SIL1: variants seen among roughly 807,000 people sequenced by gnomAD.
The protein encoded by SIL1 is SIL1 nucleotide exchange factor.
SIL1 carries 40 observed loss-of-function variants against 49.1 expected under a neutral mutation model. The ratio of observed to expected loss-of-function variants is 0.81; its 90% CI spans 0.63 to 1.06. The LOEUF (loss-of-function observed/expected upper bound fraction) is 1.06. Among genes scored for constraint, SIL1 ranks in the 50% least tolerant of loss-of-function variants. The probability of loss-of-function intolerance (pLI) is 0.00; values close to 1 mark genes in which losing one functional copy is unlikely to be tolerated. For missense variants in SIL1, 500 were observed against 572.6 expected, an observed-to-expected ratio of 0.87 and a Z score of 1.29; for synonymous variants, 253 against 250.8, an observed-to-expected ratio of 1.01 and a Z score of -0.08.
At chr5:139,002,591 C>T (rs1223998388) in intron 7 of SIL1, among the ~76,000 whole-genome samples, 1 of 152,090 alleles carries the variant, frequency 6.6e-6, no homozygotes, top group East Asian at 1.9e-4. Context: ...AAGAGAAATA[C>T]AAATTTGGGG....
chr5:138,951,088 C>T (rs1766761349), intron 9 of SIL1, 83 bp downstream of exon 9: 5 of 1,468,806 alleles, frequency 3.4e-6, no homozygotes, highest in Non-Finnish European at 4.7e-6. Context: ...GTGACGTCCG[C>T]AGTCTCTTCC....
chr5:139,170,972 G>A (rs1188216229), intron 1 of SIL1, among the ~76,000 whole-genome samples: 1 of 146,412 alleles, frequency 6.8e-6, no homozygotes, highest in African/African-American at 2.5e-5. Context: ...CCCCCGCCCG[G>A]CCAGCCGCCC....
chr5:138,987,331 T>C (rs150001976), intron 7 of SIL1, among the ~76,000 whole-genome samples: 270 of 151,926 alleles, frequency 1.8e-3, no homozygotes, highest in South Asian at 7.5e-3. Context: ...CAGGCTGGTC[T>C]CAAACTCCTG....
At chr5:139,061,468 C>T (rs928503452) in intron 3 of SIL1, among the ~76,000 whole-genome samples, 4 of 152,242 alleles carry the variant, frequency 2.6e-5, no homozygotes, top group South Asian at 2.1e-4. Flanking sequence ...GAGGCTGCCC[C>T]GGCTGGCCAT....
chr5:139,183,533 G>C (rs997285353), intron 1 of SIL1, among the ~76,000 whole-genome samples: 1 of 152,192 alleles, frequency 6.6e-6, no homozygotes, highest in Non-Finnish European at 1.5e-5. Flanking sequence ...GCTCCTAATG[G>C]AGGTGAATAC....
chr5:139,018,678 G>C (rs552629280), intron 7 of SIL1, among the ~76,000 whole-genome samples: 4 of 150,590 alleles, frequency 2.7e-5, no homozygotes, highest in Non-Finnish European at 5.9e-5. Context: ...GGAAGATAAA[G>C]GTTTTTATTG....
chr5:139,151,879 A>G (rs1055146603), intron 1 of SIL1, among the ~76,000 whole-genome samples: 3 of 152,258 alleles, frequency 2.0e-5, no homozygotes, highest in Non-Finnish European at 1.5e-5. Context: ...TAGAATTTCT[A>G]TATTTTTCAA....
At chr5:139,019,368 GT>G (rs772334444) in intron 7 of SIL1, among the ~76,000 whole-genome samples, 42 of 152,166 alleles carry the variant, frequency 2.8e-4, no homozygotes, top group Non-Finnish European at 5.3e-4. Flanking sequence ...TTTCCATGGT[GT>G]TTGGGAGCCT....
intron 1 of SIL1, among the ~76,000 whole-genome samples, chr5:139,159,769 C>T (rs1751472704): frequency 6.6e-6 from 1 of 152,100 alleles, no homozygotes; most frequent in Non-Finnish European, 1.5e-5. Context: ...CCATCAGGTG[C>T]ACAGGTGAAG....
intron 3 of SIL1, among the ~76,000 whole-genome samples, chr5:139,054,650 A>G (rs1254707361): frequency 6.6e-6 from 1 of 152,206 alleles, no homozygotes. Flanking sequence ...AATGGAAAAG[A>G]AAAAAGCATG....
At chr5:138,988,124 C>A (rs188390991) in intron 7 of SIL1, among the ~76,000 whole-genome samples, 1 of 152,164 alleles carries the variant, frequency 6.6e-6, no homozygotes. Flanking sequence ...TGAGACACTG[C>A]GCCTGGCCAA....
chr5:138,992,632 C>T (rs1767781805), intron 7 of SIL1, among the ~76,000 whole-genome samples: 1 of 150,496 alleles, frequency 6.6e-6, no homozygotes, highest in South Asian at 2.1e-4. Context: ...TCTTTTCAAA[C>T]ATCAAAAAAA....
chr5:139,001,568 AG>A (rs991835264), intron 7 of SIL1, among the ~76,000 whole-genome samples: 1 of 152,194 alleles, frequency 6.6e-6, no homozygotes, highest in African/African-American at 2.4e-5. Flanking sequence ...TGTATGTGGT[AG>A]GGGGGATACA....
intron 5 of SIL1, among the ~76,000 whole-genome samples, chr5:139,039,540 TCA>T (rs1180728933): frequency 1.3e-5 from 2 of 152,180 alleles, no homozygotes; most frequent in East Asian, 3.9e-4. Flanking sequence ...TTGCCAACAC[TCA>T]GTCTAAAATA....
intron 1 of SIL1, chr5:139,155,455 G>C (rs1315619711): frequency 6.6e-6 from 1 of 151,378 alleles, no homozygotes; most frequent in African/African-American, 2.4e-5. Context: ...GAGTGAGAGA[G>C]AGAGAGAGAG....
intron 1 of SIL1, among the ~76,000 whole-genome samples, chr5:139,152,682 C>A (rs1037818646): frequency 6.6e-6 from 1 of 151,886 alleles, no homozygotes; most frequent in East Asian, 1.9e-4. Context: ...ATAGCCAGAC[C>A]ATGAATCTGA....
intron 1 of SIL1, among the ~76,000 whole-genome samples, chr5:139,194,719 G>A (rs1408023668): frequency 6.6e-6 from 1 of 152,154 alleles, no homozygotes; most frequent in Non-Finnish European, 1.5e-5. Context: ...TAAGGGACTA[G>A]CATTGTAAGA....
intron 1 of SIL1, among the ~76,000 whole-genome samples, chr5:139,186,394 T>C (rs765432214): frequency 1.3e-5 from 2 of 152,112 alleles, no homozygotes; most frequent in Non-Finnish European, 2.9e-5. Flanking sequence ...TTACAAGGAA[T>C]TTAAATGTGT....
At chr5:138,964,756 G>C (rs868277817) in intron 7 of SIL1, among the ~76,000 whole-genome samples, 7 of 152,220 alleles carry the variant, frequency 4.6e-5, no homozygotes, top group Non-Finnish European at 8.8e-5. Context: ...TTTAGTGCTC[G>C]TTAAAGCCTG....
Sources: allele counts gnomAD v4.1 joint callset (sites outside exome capture counted in the v4.1 genomes callset), GRCh38; gene constraint gnomAD v4.1.1; transcripts MANE v1.5; gene names NCBI Gene and HGNC (gene_info 2026-07-23, HGNC 2026-07-21).